NTM: variants seen among roughly 807,000 people sequenced by gnomAD.
NTM encodes neurotrimin, also known as IgLON family member 2.
Under a neutral mutation model 42.1 loss-of-function variants are expected in NTM, and 13 were observed. The observed-to-expected ratio is 0.31, with a 90% CI of 0.20 to 0.49. The LOEUF is 0.49. Among genes scored for constraint, NTM ranks in the 20% least tolerant of loss-of-function variants. NTM has a pLI of 0.99. For missense variants in NTM, 373 were observed against 452.8 expected (o/e 0.82, Z 1.60); for synonymous variants, 187 against 179.2 (o/e 1.04, Z -0.35).
At chr11:132,242,115 T>C (rs540792148) in intron 4 of NTM, among the ~76,000 whole-genome samples, 6 of 152,354 alleles carry the variant, frequency 3.9e-5, no homozygotes, top group African/African-American at 1.4e-4. Context: ...TCTCAGCTAA[T>C]CGGAAGAATT....
chr11:131,550,827 C>T (rs1050406241), intron 1 of NTM, among the ~76,000 whole-genome samples: 5 of 151,982 alleles, frequency 3.3e-5, no homozygotes, highest in Non-Finnish European at 7.4e-5. Context: ...TAGAGCAATA[C>T]CCTGTCTATT....
intron 1 of NTM, among the ~76,000 whole-genome samples, chr11:131,459,131 A>G (rs189097037): frequency 4.0e-4 from 61 of 152,336 alleles, no homozygotes; most frequent in African/African-American, 1.4e-3. Flanking sequence ...AGCCTCCCAC[A>G]TGGGGGTGCA....
At chr11:132,025,779 G>C (rs2075089846) in intron 2 of NTM, among the ~76,000 whole-genome samples, 1 of 152,184 alleles carries the variant, frequency 6.6e-6, no homozygotes, top group Non-Finnish European at 1.5e-5. Context: ...TTATCCTGAA[G>C]TTCTCTGTGA....
At chr11:131,598,474 A>T (rs886219052) in intron 1 of NTM, among the ~76,000 whole-genome samples, 1 of 152,174 alleles carries the variant, frequency 6.6e-6, no homozygotes, top group African/African-American at 2.4e-5. Context: ...TTAACAAAAC[A>T]AAGGTCTATT....
chr11:132,174,808 C>G (rs2076568271), intron 3 of NTM, among the ~76,000 whole-genome samples: 1 of 151,988 alleles, frequency 6.6e-6, no homozygotes, highest in South Asian at 2.1e-4. Context: ...CCTCAGAGTT[C>G]ATTACTTTTT....
intron 1 of NTM, among the ~76,000 whole-genome samples, chr11:131,562,096 A>G (rs567034366): frequency 6.6e-6 from 1 of 152,290 alleles, no homozygotes; most frequent in African/African-American, 2.4e-5. Flanking sequence ...AAGGGTCCCA[A>G]CTGGTGCTGG....
intron 1 of NTM, among the ~76,000 whole-genome samples, chr11:131,609,756 T>G (rs1194922092): frequency 6.6e-6 from 1 of 152,236 alleles, no homozygotes; most frequent in Non-Finnish European, 1.5e-5. Context: ...GAGCCAAACA[T>G]GCTTCTGTCT....
chr11:132,053,874 A>C (rs1594156794), intron 2 of NTM, among the ~76,000 whole-genome samples: 1 of 152,302 alleles, frequency 6.6e-6, no homozygotes, highest in African/African-American at 2.4e-5. Flanking sequence ...CTAGAGTAGT[A>C]TCACTGGACC....
At chr11:132,039,059 G>T (rs1471407535) in intron 2 of NTM, among the ~76,000 whole-genome samples, 4 of 152,154 alleles carry the variant, frequency 2.6e-5, no homozygotes, top group Non-Finnish European at 5.9e-5. Context: ...GTGTCCATGG[G>T]GTGTTTGTGC....
intron 1 of NTM, among the ~76,000 whole-genome samples, chr11:131,396,595 G>A (rs1241817088): frequency 2.0e-5 from 3 of 152,140 alleles, no homozygotes; most frequent in African/African-American, 4.8e-5. Context: ...TTGGGAGGCC[G>A]TGGCAGGGCA....
intron 1 of NTM, among the ~76,000 whole-genome samples, chr11:131,498,014 T>C (rs1478689440): frequency 6.6e-5 from 10 of 152,220 alleles, no homozygotes; most frequent in Middle Eastern, 3.2e-3. Context: ...AGGGACTAGC[T>C]GCGTTAGGAA....
chr11:132,024,742 G>A (rs1332838997), intron 2 of NTM, among the ~76,000 whole-genome samples: 1 of 152,154 alleles, frequency 6.6e-6, no homozygotes. Flanking sequence ...GTCAACTTCT[G>A]ACTCAGTCAC....
chr11:131,627,603 A>G lies in NTM; in HGVS notation c.82+256715A>G, dbSNP rs929018681. Among the ~76,000 whole-genome samples, 9 of 152,166 alleles carry G rather than the reference A, an allele frequency of 5.9e-5. No individual in the cohort carries two copies. The East Asian group carries it at 1.7e-3, about 30-fold the overall frequency. ...TCCCAGCATTTTGGGAGGCTGAGGA[A>G]GGTGGATCGCTTGAGTCCAGGAGTT... On this transcript the variant is annotated intron_variant, in intron 1 of 8. Transcript: ENST00000683400.
intron 1 of NTM, among the ~76,000 whole-genome samples, chr11:131,723,378 C>T (rs2078596186): frequency 6.6e-6 from 1 of 152,242 alleles, no homozygotes; most frequent in African/African-American, 2.4e-5. Flanking sequence ...GTAGATTACG[C>T]AGCAGCTGGA....
intron 3 of NTM, among the ~76,000 whole-genome samples, chr11:132,158,877 A>G (rs1260374495): frequency 6.6e-6 from 1 of 152,194 alleles, no homozygotes; most frequent in Non-Finnish European, 1.5e-5. Flanking sequence ...GGACTCTGAG[A>G]GACCAAAGAT....
chr11:132,180,082 G>A (rs2077344809), intron 3 of NTM, among the ~76,000 whole-genome samples: 1 of 152,164 alleles, frequency 6.6e-6, no homozygotes, highest in South Asian at 2.1e-4. Flanking sequence ...CCGTTTGAAA[G>A]CTTTTGAAAT....
chr11:132,275,696 A>ATATACG (rs1467100929), intron 4 of NTM, among the ~76,000 whole-genome samples: 2 of 142,324 alleles, frequency 1.4e-5, no homozygotes, highest in African/African-American at 5.2e-5. Flanking sequence ...TGTTTTATAT[A>ATATACG]TATATGTATA....
intron 5 of NTM, among the ~76,000 whole-genome samples, chr11:132,308,363 T>C (rs2095168104): frequency 6.6e-6 from 1 of 152,238 alleles, no homozygotes. Context: ...ACAATAAATT[T>C]GCTTGTTACT....
intron 1 of NTM, among the ~76,000 whole-genome samples, chr11:131,558,629 G>T (rs991415412): frequency 6.6e-6 from 1 of 152,160 alleles, no homozygotes; most frequent in African/African-American, 2.4e-5. Context: ...ACTATTCTTT[G>T]CTAATGGGGT....
Sources: allele counts gnomAD v4.1 joint callset (sites outside exome capture counted in the v4.1 genomes callset), GRCh38; gene constraint gnomAD v4.1.1; transcripts MANE v1.5; gene names NCBI Gene and HGNC (gene_info 2026-07-23, HGNC 2026-07-21).